AGBL4: variants seen among roughly 807,000 people sequenced by gnomAD.
AGBL4 encodes the protein AGBL carboxypeptidase 4.
Under a neutral mutation model 66.4 loss-of-function variants are expected in AGBL4, and 58 were observed. The observed-to-expected ratio is 0.87, with a 90% CI of 0.71 to 1.09. AGBL4 has a LOEUF of 1.09. AGBL4 is among the 50% of genes least tolerant of loss of function. The probability of loss-of-function intolerance (pLI) is 0.00; values close to 1 mark genes in which losing one functional copy is unlikely to be tolerated. For synonymous variants in AGBL4, 234 were observed against 222.9 expected, an observed-to-expected ratio of 1.05 and a Z score of -0.44; for missense variants, 579 against 631.0, an observed-to-expected ratio of 0.92 and a Z score of 0.88.
intron 4 of AGBL4, among the ~76,000 whole-genome samples, chr1:49,140,029 GT>G (rs1041850263): frequency 6.6e-6 from 1 of 152,162 alleles, no homozygotes; most frequent in Non-Finnish European, 1.5e-5. Flanking sequence ...ATGATTTCCA[GT>G]TTTATAGATT....
intron 4 of AGBL4, among the ~76,000 whole-genome samples, chr1:49,152,905 G>A (rs995331763): frequency 1.2e-4 from 19 of 152,094 alleles, no homozygotes; most frequent in African/African-American, 4.6e-4. Context: ...TTAAGGTAAA[G>A]GGAGCTTTTA....
chr1:48,841,737 C>T (rs930815371), intron 6 of AGBL4, among the ~76,000 whole-genome samples: 7 of 151,966 alleles, frequency 4.6e-5, no homozygotes, highest in African/African-American at 1.7e-4. Context: ...TTCGATGGAT[C>T]CTTATCTCTT....
chr1:49,195,598 A>G (rs1647217195), intron 4 of AGBL4, among the ~76,000 whole-genome samples: 1 of 152,070 alleles, frequency 6.6e-6, no homozygotes, highest in South Asian at 2.1e-4. Context: ...TCTTCTTCAT[A>G]TTGACTTTAC....
chr1:48,586,924 G>A (rs754033448), intron 11 of AGBL4, 80 bp downstream of exon 11: 6 of 1,561,098 alleles, frequency 3.8e-6, no homozygotes, highest in Non-Finnish European at 5.3e-6. Context: ...TGAGCTGGGG[G>A]CCTAATTCCT....
chr1:48,563,051 C>T (rs2148300856), intron 11 of AGBL4, among the ~76,000 whole-genome samples: 1 of 152,292 alleles, frequency 6.6e-6, no homozygotes, highest in Non-Finnish European at 1.5e-5. Flanking sequence ...TCTTTCTTTC[C>T]AAAAGCAGAC....
intron 6 of AGBL4, among the ~76,000 whole-genome samples, chr1:48,806,382 A>G (rs866877507): frequency 8.5e-5 from 13 of 152,196 alleles, no homozygotes; most frequent in Non-Finnish European, 1.0e-4. Flanking sequence ...CAGCAGGGAC[A>G]GAGTGCTCAC....
intron 1 of AGBL4, chr1:50,016,966 A>G (rs566110543): frequency 2.6e-5 from 4 of 152,300 alleles, no homozygotes; most frequent in East Asian, 1.9e-4. Flanking sequence ...AAATTGTTCT[A>G]CCATAAAGAC....
chr1:49,625,683 T>A (rs908637087), intron 3 of AGBL4, among the ~76,000 whole-genome samples: 3 of 152,182 alleles, frequency 2.0e-5, no homozygotes, highest in Non-Finnish European at 4.4e-5. Flanking sequence ...TAGTTCATTA[T>A]AAACATGGCT....
chr1:48,800,811 C>T (rs553604076), intron 6 of AGBL4, among the ~76,000 whole-genome samples: 1 of 152,288 alleles, frequency 6.6e-6, no homozygotes, highest in Admixed American at 6.5e-5. Context: ...TAAGCTTGCC[C>T]TAATACTTGG....
intron 4 of AGBL4, among the ~76,000 whole-genome samples, chr1:49,099,430 T>C (rs1441902357): frequency 3.3e-5 from 5 of 152,184 alleles, no homozygotes; most frequent in Non-Finnish European, 7.3e-5. Context: ...TGTCACTAAC[T>C]ACCAATAGGA....
intron 3 of AGBL4, among the ~76,000 whole-genome samples, chr1:49,652,263 T>C (rs1317538674): frequency 1.3e-5 from 2 of 152,158 alleles, no homozygotes; most frequent in Admixed American, 1.3e-4. Context: ...AGTAGACAAC[T>C]TGGCAAACAT....
At chr1:49,590,215 C>G (rs1176578788) in intron 3 of AGBL4, among the ~76,000 whole-genome samples, 2 of 151,804 alleles carry the variant, frequency 1.3e-5, no homozygotes, top group Non-Finnish European at 2.9e-5. Flanking sequence ...AATCTGGAAA[C>G]CAGCTAAAAG....
intron 4 of AGBL4, among the ~76,000 whole-genome samples, chr1:49,081,318 G>T (rs1644804833): frequency 6.6e-6 from 1 of 152,182 alleles, no homozygotes; most frequent in South Asian, 2.1e-4. Context: ...AAGGGATAAA[G>T]TCCCAGCTCT....
chr1:48,557,132 C>A (rs1262084952), intron 11 of AGBL4, among the ~76,000 whole-genome samples: 1 of 152,130 alleles, frequency 6.6e-6, no homozygotes, highest in Admixed American at 6.6e-5. Context: ...TCTGTGATTG[C>A]AACAATGATG....
Position 48,534,003 on chromosome 1 carries a change from A to T in AGBL4, c.*170T>A, listed in dbSNP as rs1240593754. ...GCTGAAGGCTTACAATTGATTTTCC[A>T]TTGGAAAAAGGGAAAATCAGTGATG... On this transcript the variant is annotated 3_prime_UTR_variant, in exon 14 of 14. Coordinates refer to ENST00000371839, the MANE Select transcript of AGBL4 (RefSeq NM_032785.4). 2 of 1,146,214 alleles carry T rather than the reference A, an allele frequency of 1.7e-6. No individual in the cohort carries two copies. The highest frequency in any genetic ancestry group is 2.5e-6 in the Non-Finnish European group (2 of 798,604). 71.0% of individuals were successfully genotyped at this position (1,146,214 alleles called of 1,614,324 possible).
chr1:49,643,118 T>G (rs558473588), intron 3 of AGBL4, among the ~76,000 whole-genome samples: 1 of 151,978 alleles, frequency 6.6e-6, no homozygotes, highest in African/African-American at 2.4e-5. Context: ...AAGATATATT[T>G]TAAAAATAGA....
chr1:49,207,468 C>CTTTCTTT (rs879532423), intron 4 of AGBL4, among the ~76,000 whole-genome samples: 3 of 13,700 alleles, frequency 2.2e-4, no homozygotes, highest in African/African-American at 2.7e-4. Flanking sequence ...TTCTTTCTTT[C>CTTTCTTT]TCTTTCTTTC....
chr1:48,917,919 C>A (rs1047772986), intron 5 of AGBL4, among the ~76,000 whole-genome samples: 4 of 152,164 alleles, frequency 2.6e-5, no homozygotes, highest in Non-Finnish European at 5.9e-5. Flanking sequence ...CTGAAGCTCT[C>A]AGGAAGCACC....
chr1:48,561,024 T>C (rs1644389224), intron 11 of AGBL4, among the ~76,000 whole-genome samples: 1 of 152,236 alleles, frequency 6.6e-6, no homozygotes, highest in African/African-American at 2.4e-5. Context: ...CATACTGCAG[T>C]GCTAGTCATT....
Sources: allele counts gnomAD v4.1 joint callset (sites outside exome capture counted in the v4.1 genomes callset), GRCh38; gene constraint gnomAD v4.1.1; transcripts MANE v1.5; gene names NCBI Gene and HGNC (gene_info 2026-07-23, HGNC 2026-07-21).